The following ELMO1 variants were observed in gnomAD, a reference collection of about 807,000 sequenced individuals.
ELMO1 encodes engulfment and cell motility 1.
A neutral mutation model predicts 98.9 loss-of-function variants in ELMO1; 26 were observed. The ratio of observed to expected loss-of-function variants is 0.26; its 90% CI spans 0.19 to 0.36. The LOEUF (loss-of-function observed/expected upper bound fraction) is 0.36, where lower values mean the gene tolerates loss of function less well. ELMO1 is among the 10% of genes least tolerant of loss of function. ELMO1 has a pLI of 1.00. For synonymous variants in ELMO1, 346 were observed against 346.0 expected (o/e 1.00, Z 0.00); for missense variants, 627 against 935.2 (o/e 0.67, Z 4.30).
At chr7:37,198,788 C>T (rs780378087) in intron 13 of ELMO1, among the ~76,000 whole-genome samples, 1 of 152,208 alleles carries the variant, frequency 6.6e-6, no homozygotes, top group Admixed American at 6.5e-5. Flanking sequence ...CACTCAGGGA[C>T]GAAGGATTGA....
At chr7:36,877,275 G>C (rs557244319) in intron 19 of ELMO1, among the ~76,000 whole-genome samples, 8 of 152,040 alleles carry the variant, frequency 5.3e-5, no homozygotes, top group Non-Finnish European at 1.0e-4. Flanking sequence ...ATCCTCTGAG[G>C]CTACGTTCAT....
At chr7:37,312,385 G>A (rs973955480) in intron 4 of ELMO1, among the ~76,000 whole-genome samples, 1 of 152,198 alleles carries the variant, frequency 6.6e-6, no homozygotes, top group African/African-American at 2.4e-5. Context: ...CACGTGCCCA[G>A]CCCACATTCC....
chr7:37,122,513 A>C (rs578176586), intron 14 of ELMO1, among the ~76,000 whole-genome samples: 27 of 152,340 alleles, frequency 1.8e-4, no homozygotes, highest in African/African-American at 6.0e-4. Flanking sequence ...CAGACTTTAA[A>C]GCAACAAAGA....
At chr7:36,860,646 G>A (rs2129032901) in intron 21 of ELMO1, among the ~76,000 whole-genome samples, 1 of 152,320 alleles carries the variant, frequency 6.6e-6, no homozygotes, top group Admixed American at 6.5e-5. Flanking sequence ...TATACATCTT[G>A]AATATGGTGG....
At chr7:37,369,656 T>TA (rs1487058325) in intron 1 of ELMO1, among the ~76,000 whole-genome samples, 1 of 142,914 alleles carries the variant, frequency 7.0e-6, no homozygotes, top group Non-Finnish European at 1.5e-5. Flanking sequence ...AAGCAAGCTA[T>TA]ATATAGCCCA....
At chr7:37,078,949 G>A (rs1797723715) in intron 15 of ELMO1, among the ~76,000 whole-genome samples, 1 of 151,950 alleles carries the variant, frequency 6.6e-6, no homozygotes, top group African/African-American at 2.4e-5. Flanking sequence ...CCTCTTGGTG[G>A]CAGAATAATA....
intron 15 of ELMO1, among the ~76,000 whole-genome samples, chr7:37,035,109 T>G (rs1021503770): frequency 1.3e-5 from 2 of 152,208 alleles, no homozygotes; most frequent in African/African-American, 4.8e-5. Flanking sequence ...TCCCCCATGA[T>G]AGGGCACTTT....
chr7:37,134,700 T>C (rs1311986683), intron 13 of ELMO1, among the ~76,000 whole-genome samples: 1 of 152,114 alleles, frequency 6.6e-6, no homozygotes, highest in Non-Finnish European at 1.5e-5. Context: ...GAAAATGTAG[T>C]ACATACACAT....
chr7:37,345,968 A>G (rs1222752650), intron 1 of ELMO1, among the ~76,000 whole-genome samples: 3 of 151,140 alleles, frequency 2.0e-5, no homozygotes, highest in Non-Finnish European at 3.0e-5. Context: ...CAGCCTGGGC[A>G]ACAGAGCAAG....
chr7:37,134,433 C>T (rs971675855), intron 13 of ELMO1, among the ~76,000 whole-genome samples: 1 of 151,878 alleles, frequency 6.6e-6, no homozygotes, highest in Non-Finnish European at 1.5e-5. Flanking sequence ...GTGGCGCGCG[C>T]CTGTAATCCC....
At chr7:37,008,238 G>C (rs548222977) in intron 16 of ELMO1, among the ~76,000 whole-genome samples, 1 of 152,142 alleles carries the variant, frequency 6.6e-6, no homozygotes, top group Non-Finnish European at 1.5e-5. Flanking sequence ...AAGAGATCTG[G>C]GCAACTAGTA....
chr7:37,140,164 A>G lies in ELMO1; in HGVS notation c.1087-6930T>C, dbSNP rs1049959613. 2.0e-5 allele frequency among the ~76,000 whole-genome samples: 3 copies of G among 151,910 alleles called. No individual in the cohort carries two copies. In the East Asian group the frequency reaches 5.8e-4, roughly 29 times the overall value. The stretch of plus-strand genomic sequence containing the variant: ...GCCATGGTGGGCAGATCACGAGGTC[A>G]GGAGAGCGAGACCATCCTGGCTAAC... On this transcript the variant is annotated intron_variant, in intron 13 of 21. Transcript: ENST00000310758.
At chr7:37,307,663 G>A (rs1416740040) in intron 4 of ELMO1, among the ~76,000 whole-genome samples, 3 of 152,186 alleles carry the variant, frequency 2.0e-5, no homozygotes, top group African/African-American at 7.2e-5. Flanking sequence ...TTATTCAACT[G>A]CAGTGTATCA....
intron 18 of ELMO1, among the ~76,000 whole-genome samples, chr7:36,878,399 G>A (rs1447023964): frequency 6.6e-6 from 1 of 151,984 alleles, no homozygotes; most frequent in Non-Finnish European, 1.5e-5. Context: ...GCTTCCAGAG[G>A]TTATGTTATC....
intron 1 of ELMO1, among the ~76,000 whole-genome samples, chr7:37,363,716 T>A (rs1344631201): frequency 6.6e-6 from 1 of 152,166 alleles, no homozygotes; most frequent in Non-Finnish European, 1.5e-5. Flanking sequence ...GAAAAATAAA[T>A]CTTGAATGTG....
chr7:37,185,947 C>T (rs996224611), intron 13 of ELMO1, among the ~76,000 whole-genome samples: 13 of 152,140 alleles, frequency 8.5e-5, no homozygotes, highest in Middle Eastern at 3.2e-3. Flanking sequence ...CTGACTTCTG[C>T]GTAGAAATCA....
intron 16 of ELMO1, among the ~76,000 whole-genome samples, chr7:37,009,023 C>T (rs1031560762): frequency 6.6e-6 from 1 of 152,198 alleles, no homozygotes; most frequent in African/African-American, 2.4e-5. Context: ...AACACTGCTA[C>T]ACACAGACAT....
chr7:37,318,920 C>T (rs768970000), intron 2 of ELMO1, among the ~76,000 whole-genome samples: 6 of 152,270 alleles, frequency 3.9e-5, no homozygotes, highest in South Asian at 2.1e-4. Context: ...TATGATATAG[C>T]GCAATATTTT....
intron 4 of ELMO1, among the ~76,000 whole-genome samples, chr7:37,276,557 G>T (rs866836814): frequency 6.6e-6 from 1 of 152,338 alleles, no homozygotes; most frequent in South Asian, 2.1e-4. Flanking sequence ...CTTGCAGTGA[G>T]CCGAGATTAC....
Sources: gnomAD v4.1 joint callset for allele counts (sites outside exome capture counted in the v4.1 genomes callset) on GRCh38, gnomAD v4.1.1 for gene constraint, MANE v1.5 for transcripts, NCBI Gene and HGNC (gene_info 2026-07-23, HGNC 2026-07-21) for gene names.